The following DNAH8 variants were observed in gnomAD, a reference collection of about 807,000 sequenced individuals.
DNAH8 encodes axonemal beta dynein heavy chain 8.
DNAH8 carries 382 observed loss-of-function variants against 562.1 expected under a neutral mutation model. The ratio of observed to expected loss-of-function variants is 0.68; its 90% CI spans 0.63 to 0.74. The LOEUF is 0.74. Among genes scored for constraint, DNAH8 ranks in the 30% least tolerant of loss-of-function variants. DNAH8 has a pLI of 0.00. For missense variants in DNAH8, 5,203 were observed against 5,620.4 expected (o/e 0.93, Z 2.37); for synonymous variants, 1,881 against 1,919.4 (o/e 0.98, Z 0.52).
intron 24 of DNAH8, among the ~76,000 whole-genome samples, chr6:38,810,531 G>T: frequency 6.6e-6 from 1 of 152,104 alleles, no homozygotes; most frequent in East Asian, 1.9e-4. Context: ...GGTGGAGGTT[G>T]CAGTGAGTCA....
intron 59 of DNAH8, 131 bp downstream of exon 59, chr6:38,894,995 C>T (rs1779582610): frequency 3.5e-6 from 3 of 860,976 alleles, no homozygotes; most frequent in Admixed American, 3.3e-5. Flanking sequence ...ATGGTGCGAT[C>T]TCAGCTGACC....
Position 38,841,090 on chromosome 6 carries a change from G to C in DNAH8, c.4467-1278G>C, listed in dbSNP as rs146265227. On this transcript the variant is annotated intron_variant, in intron 33 of 92. Coordinates refer to ENST00000327475, the MANE Select transcript of DNAH8 (RefSeq NM_001206927.2). ...AACTAAGATCGCAGAATGTGTCTTA[G>C]ATTTGTAAAATCTACTACGCCTACA... is the stretch of plus-strand genomic sequence containing the variant. Among the ~76,000 whole-genome samples, 191 of 152,220 alleles carry C rather than the reference G, an allele frequency of 1.3e-3. 1 individual carries two copies. The highest frequency in any genetic ancestry group is 4.3e-3 in the African/African-American group (178 of 41,528).
chr6:38,749,679 G>A (rs994729897), intron 8 of DNAH8, among the ~76,000 whole-genome samples: 2 of 152,162 alleles, frequency 1.3e-5, no homozygotes, highest in Non-Finnish European at 2.9e-5. Context: ...GCTCCATTAT[G>A]CAAAACTATA....
chr6:38,914,915 A>C (rs1267039732), intron 67 of DNAH8, among the ~76,000 whole-genome samples: 1 of 152,020 alleles, frequency 6.6e-6, no homozygotes, highest in Non-Finnish European at 1.5e-5. Flanking sequence ...AATTGTTTTA[A>C]TTTTCTAGAA....
intron 39 of DNAH8, 86 bp downstream of exon 39, chr6:38,851,760 G>A: frequency 1.1e-6 from 1 of 880,988 alleles, no homozygotes; most frequent in Non-Finnish European, 1.8e-6. Context: ...TCTTAAAAAT[G>A]CAGGCAGGAA....
In DNAH8 at chr6:38,852,748, G is replaced by C. The variant is rs963095538; in HGVS notation, c.5521G>C (p.Asp1841His). The part of the protein sequence containing the change: ...NINEVTFHAK[D>H]YDRIMAVISR... Reference sequence around the variant, plus strand: ...CAATGAGGTGACATTTCATGCAAAAGACTATGATCGCATCATGGCCGTCAT... The same window carrying C: ...CAATGAGGTGACATTTCATGCAAAACACTATGATCGCATCATGGCCGTCAT... The change falls in exon 40 of 93, where the codon GAC becomes CAC. Residue 1841 changes from aspartate (D) to histidine (H), a missense_variant. This residue lies in a region of DNAH8 where 2,176 missense variants were observed against 2,365.1 expected (regional missense o/e 0.92). Coordinates refer to ENST00000327475, the MANE Select transcript of DNAH8 (RefSeq NM_001206927.2). The C allele has an allele frequency of 6.2e-7, 1 of 1,613,852 alleles. No individual in the cohort carries two copies. The highest frequency in any genetic ancestry group is 8.5e-7 in the Non-Finnish European group (1 of 1,179,840).
intron 91 of DNAH8, among the ~76,000 whole-genome samples, chr6:39,013,169 A>T (rs1364895446): frequency 6.6e-6 from 1 of 152,146 alleles, no homozygotes; most frequent in Admixed American, 6.5e-5. Flanking sequence ...TCCTTCTAGA[A>T]ATGTTTACTG....
intron 82 of DNAH8, among the ~76,000 whole-genome samples, chr6:38,965,065 AAAAATAAAATAAAATAAAATAAAAT>A (rs140369493): frequency 3.9e-4 from 57 of 144,620 alleles, no homozygotes; most frequent in South Asian, 2.2e-3. Context: ...TTCTGTCTCA[AAAAATAAAATAAAATAAAATAAAAT>A]AAAATAAAAT....
At chr6:38,728,671 G>A (rs1763422666) in intron 3 of DNAH8, among the ~76,000 whole-genome samples, 1 of 152,174 alleles carries the variant, frequency 6.6e-6, no homozygotes, top group Non-Finnish European at 1.5e-5. Flanking sequence ...AGAGAACAAA[G>A]GGCTAGAGTT....
intron 25 of DNAH8, 67 bp downstream of exon 25, chr6:38,814,196 TTTCATTTAGGTAACA>T: frequency 1.1e-6 from 1 of 913,474 alleles, no homozygotes; most frequent in Non-Finnish European, 1.7e-6. Context: ...AGAACTGAGC[TTTCATTTAGGTAACA>T]TTTTGGTCCT....
At chr6:38,829,796 CT>C (rs1446294480) in intron 30 of DNAH8, among the ~76,000 whole-genome samples, 2 of 152,260 alleles carry the variant, frequency 1.3e-5, no homozygotes, top group East Asian at 3.9e-4. Context: ...TAAAATTTAC[CT>C]TCTTAACCAT....
At chr6:38,818,231 A>T (rs555567588) in intron 26 of DNAH8, among the ~76,000 whole-genome samples, 1 of 152,112 alleles carries the variant, frequency 6.6e-6, no homozygotes, top group East Asian at 1.9e-4. Flanking sequence ...TCAGTATCTA[A>T]TTTTTTTATG....
Position 38,839,957 on chromosome 6 carries a change from C to T in DNAH8, c.4466+1915C>T, listed in dbSNP as rs150560209. Among the ~76,000 whole-genome samples the T allele has an allele frequency of 3.0e-4, 45 of 152,236 alleles. 1 individual carries two copies. The East Asian group carries it at 4.8e-3, about 16-fold the overall frequency. ...GATTACAGGTGTGGGCCACCATGTCCGGTGAAGAAGCACTTTTATTAGAAG... is the reference window on the plus strand; with the variant it reads ...GATTACAGGTGTGGGCCACCATGTCTGGTGAAGAAGCACTTTTATTAGAAG... On this transcript the variant is annotated intron_variant, in intron 33 of 92. Coordinates refer to ENST00000327475, the MANE Select transcript of DNAH8 (RefSeq NM_001206927.2).
chr6:38,760,748 G>T (rs1398027689), intron 10 of DNAH8, among the ~76,000 whole-genome samples: 1 of 152,092 alleles, frequency 6.6e-6, no homozygotes. Flanking sequence ...TTGTTTAAAA[G>T]ATCCTGGCAT....
intron 63 of DNAH8, among the ~76,000 whole-genome samples, chr6:38,907,130 G>T (rs1360251663): frequency 6.6e-6 from 1 of 152,206 alleles, no homozygotes; most frequent in East Asian, 1.9e-4. Flanking sequence ...ACACAGTAAG[G>T]ATACAGAGCC....
intron 21 of DNAH8, among the ~76,000 whole-genome samples, chr6:38,793,245 C>T (rs1583020662): frequency 6.6e-6 from 1 of 152,250 alleles, no homozygotes; most frequent in East Asian, 1.9e-4. Flanking sequence ...ACTAGAATTC[C>T]TGGGTTTATG....
chr6:38,988,770 C>T (rs1354305640), intron 87 of DNAH8, among the ~76,000 whole-genome samples: 1 of 152,182 alleles, frequency 6.6e-6, no homozygotes, highest in African/African-American at 2.4e-5. Context: ...TCCGGTCAAA[C>T]TCCTCTCCTT....
chr6:38,944,809 A>G (rs1783721846), intron 79 of DNAH8, among the ~76,000 whole-genome samples: 1 of 152,198 alleles, frequency 6.6e-6, no homozygotes, highest in African/African-American at 2.4e-5. Flanking sequence ...ATATTTGTTC[A>G]ATCAATGAAT....
intron 16 of DNAH8, 106 bp downstream of exon 16, chr6:38,781,479 C>A: frequency 7.7e-7 from 1 of 1,303,474 alleles, no homozygotes; most frequent in Non-Finnish European, 1.0e-6. Flanking sequence ...AACAACGAGC[C>A]AATTCTTTTA....
Sources: allele counts gnomAD v4.1 joint callset (sites outside exome capture counted in the v4.1 genomes callset), GRCh38; gene constraint gnomAD v4.1.1; regional missense constraint gnomAD v4.1.1; transcripts MANE v1.5; gene names NCBI Gene and HGNC (gene_info 2026-07-23, HGNC 2026-07-21).